Variants in SUPT3H observed in about 807,000 individuals in gnomAD.
SUPT3H encodes SPT3 homolog, SAGA and STAGA complex component, also known as transcription initiation protein SPT3 homolog.
SUPT3H carries 44 observed loss-of-function variants against 44.3 expected under a neutral mutation model. That is an observed-to-expected ratio of 0.99 (90% CI 0.78 to 1.28). The LOEUF is 1.28. Ranked by LOEUF, SUPT3H falls within the 50% of genes most tolerant of loss-of-function variation. The pLI is 0.00. For missense variants in SUPT3H, 380 were observed against 387.1 expected, an observed-to-expected ratio of 0.98 and a Z score of 0.15; for synonymous variants, 124 against 125.6, an observed-to-expected ratio of 0.99 and a Z score of 0.09.
intron 7 of SUPT3H, among the ~76,000 whole-genome samples, chr6:44,956,153 C>T (rs1039175482): frequency 6.7e-6 from 1 of 149,648 alleles, no homozygotes; most frequent in Non-Finnish European, 1.5e-5. Context: ...CTAAACACCA[C>T]CGGTTCCCCA....
intron 2 of SUPT3H, among the ~76,000 whole-genome samples, chr6:45,303,268 T>A (rs550315776): frequency 7.2e-5 from 11 of 151,802 alleles, no homozygotes; most frequent in African/African-American, 2.7e-4. Context: ...GACAAATAGG[T>A]GGGACTTAAT....
intron 3 of SUPT3H, among the ~76,000 whole-genome samples, chr6:45,032,749 C>G (rs1414900890): frequency 2.0e-5 from 3 of 152,168 alleles, no homozygotes; most frequent in African/African-American, 7.2e-5. Flanking sequence ...TAGACCTAAG[C>G]ACTCCCTTTC....
At chr6:45,147,441 C>A (rs1806262193) in intron 2 of SUPT3H, among the ~76,000 whole-genome samples, 1 of 151,956 alleles carries the variant, frequency 6.6e-6, no homozygotes, top group Admixed American at 6.6e-5. Context: ...ATATGCTAGA[C>A]CCAAGAGACA....
chr6:45,229,743 A>G (rs1291673543), intron 2 of SUPT3H, among the ~76,000 whole-genome samples: 5 of 152,140 alleles, frequency 3.3e-5, no homozygotes, highest in Non-Finnish European at 7.4e-5. Context: ...GATGTATGAT[A>G]ATGTTTGTTA....
chr6:45,176,483 C>T (rs1306891317), intron 2 of SUPT3H, among the ~76,000 whole-genome samples: 1 of 152,112 alleles, frequency 6.6e-6, no homozygotes, highest in Non-Finnish European at 1.5e-5. Context: ...TGCAAGGCGG[C>T]AGCGAGGCTG....
rs180916413 is a variant in SUPT3H, at chr6:44,974,408, G to A, written c.505-12580C>T. On this transcript the variant is annotated intron_variant, in intron 6 of 10. Transcript: ENST00000371459. Reference sequence around the variant, plus strand: ...AAACCAGAGATGCTTTGATAGAGGTGAGGGAAGAAGACTCACAGTCCTCCA... The same window carrying A: ...AAACCAGAGATGCTTTGATAGAGGTAAGGGAAGAAGACTCACAGTCCTCCA... 6.8e-3 allele frequency among the ~76,000 whole-genome samples: 1,041 copies of A among 152,136 alleles called. 12 individuals carry two copies. Among genetic ancestry groups the A allele is most frequent in the Middle Eastern group, 0.01 (3 of 292 alleles).
chr6:45,274,009 G>A (rs1776628120), intron 2 of SUPT3H, among the ~76,000 whole-genome samples: 1 of 152,208 alleles, frequency 6.6e-6, no homozygotes, highest in African/African-American at 2.4e-5. Context: ...TAGTGGGTGT[G>A]AAGTAGTCAT....
chr6:44,895,148 T>C lies in SUPT3H; in HGVS notation c.912+37505A>G, dbSNP rs116107160. On this transcript the variant is annotated intron_variant, in intron 10 of 10. Coordinates refer to ENST00000371459, the MANE Select transcript of SUPT3H (RefSeq NM_003599.4). ...GAATTGAACCATAAGAAAGTCCATT[T>C]CATAATTTTTCTTTTTCATATTAAA... Among the ~76,000 whole-genome samples the C allele has an allele frequency of 6.5e-3, 991 of 152,218 alleles. 12 individuals carry two copies. Among genetic ancestry groups the C allele is most frequent in the African/African-American group, 0.023 (936 of 41,542 alleles).
chr6:45,265,999 C>T (rs886701056), intron 2 of SUPT3H, among the ~76,000 whole-genome samples: 1 of 152,080 alleles, frequency 6.6e-6, no homozygotes, highest in Non-Finnish European at 1.5e-5. Flanking sequence ...AGTTGCCTCA[C>T]ATTAGAATCC....
In SUPT3H at chr6:44,924,598, T is replaced by C. The variant is rs150378086; in HGVS notation, c.912+8055A>G. ...AATTTATTGAAGCCTATGGTACCAG[T>C]AAGCCATAGAGTATTTAGCTGCTGT... On this transcript the variant is annotated intron_variant, in intron 10 of 10. Transcript: ENST00000371459. Among the ~76,000 whole-genome samples the C allele has an allele frequency of 8.5e-4, 130 of 152,246 alleles. 1 individual carries two copies. Among genetic ancestry groups the C allele is most frequent in the African/African-American group, 3.0e-3 (125 of 41,566 alleles).
At chr6:45,130,409 C>G (rs1803247750) in intron 2 of SUPT3H, among the ~76,000 whole-genome samples, 2 of 152,016 alleles carry the variant, frequency 1.3e-5, no homozygotes. Context: ...CCACATTTTA[C>G]TTATAATAAA....
intron 2 of SUPT3H, chr6:45,328,691 G>C (rs1481005717): frequency 6.2e-7 from 1 of 1,611,746 alleles, no homozygotes. Flanking sequence ...TTACAACAGA[G>C]GGTACAAGTT....
At chr6:45,031,563 G>T (rs895694963) in intron 3 of SUPT3H, among the ~76,000 whole-genome samples, 1 of 152,020 alleles carries the variant, frequency 6.6e-6, no homozygotes, top group Admixed American at 6.6e-5. Flanking sequence ...TTGTTGTTAC[G>T]GTTTTTAACA....
chr6:44,945,520 G>T (rs1773194709), intron 9 of SUPT3H, among the ~76,000 whole-genome samples: 1 of 152,162 alleles, frequency 6.6e-6, no homozygotes, highest in African/African-American at 2.4e-5. Context: ...ACACACAAAT[G>T]ATAAGAAGGT....
At chr6:45,279,414 G>A (rs534628721) in intron 2 of SUPT3H, among the ~76,000 whole-genome samples, 23 of 152,294 alleles carry the variant, frequency 1.5e-4, no homozygotes, top group African/African-American at 5.5e-4. Flanking sequence ...TAATGTTGGA[G>A]GTGGGGCCTG....
chr6:44,999,666 T>C (rs1215282670), intron 6 of SUPT3H, among the ~76,000 whole-genome samples: 1 of 152,024 alleles, frequency 6.6e-6, no homozygotes, highest in Admixed American at 6.6e-5. Flanking sequence ...AAAGTCTTTT[T>C]TTTCCCTTGA....
chr6:45,158,298 A>ATATATATTTTTTTT, intron 2 of SUPT3H, among the ~76,000 whole-genome samples: 2 of 99,694 alleles, frequency 2.0e-5, no homozygotes, highest in African/African-American at 1.0e-4. Context: ...ATATATATAT[A>ATATATATTTTTTTT]TTTTTTTTTT....
intron 1 of SUPT3H, among the ~76,000 whole-genome samples, chr6:45,375,810 T>C (rs1796697883): frequency 6.6e-6 from 1 of 151,856 alleles, no homozygotes; most frequent in South Asian, 2.1e-4. Context: ...AAATTTGACT[T>C]TATATACACT....
intron 5 of SUPT3H, among the ~76,000 whole-genome samples, chr6:45,005,815 G>C (rs1782638066): frequency 6.6e-6 from 1 of 152,018 alleles, no homozygotes; most frequent in Non-Finnish European, 1.5e-5. Context: ...GATCCTATCA[G>C]ATATCTATTC....
Sources: gnomAD v4.1 joint callset for allele counts (sites outside exome capture counted in the v4.1 genomes callset) on GRCh38, gnomAD v4.1.1 for gene constraint, MANE v1.5 for transcripts, NCBI Gene and HGNC (gene_info 2026-07-23, HGNC 2026-07-21) for gene names.